URB1: variants seen among roughly 807,000 people sequenced by gnomAD.
URB1 encodes URB1 ribosome biogenesis factor.
In URB1, 197 loss-of-function variants were observed where a neutral mutation model predicts 242.3. The ratio of observed to expected loss-of-function variants is 0.81; its 90% CI spans 0.72 to 0.91. The LOEUF is 0.91. Among genes scored for constraint, URB1 ranks in the 40% least tolerant of loss-of-function variants. The pLI, the probability that URB1 is intolerant of heterozygous loss-of-function variation, is 0.00. For missense variants in URB1, 2,721 were observed against 2,860.5 expected (o/e 0.95, Z 1.11); for synonymous variants, 1,153 against 1,201.8 (o/e 0.96, Z 0.84).
chr21:32,324,464 C>T (rs1450463356), intron 32 of URB1, 27 bp downstream of exon 32: 5 of 1,526,872 alleles, frequency 3.3e-6, no homozygotes, highest in Non-Finnish European at 4.4e-6. Context: ...TTTCAATTTC[C>T]CCTCAACCTA....
In URB1 at chr21:32,378,480, T is replaced by G; in HGVS notation, c.629A>C (p.Asp210Ala). ...QFALSFLIAG[D>A]DSTIVQVLEV... is the part of the protein sequence containing the mutation. ...CAACACCTGCACTATAGTGCTGTCA[T>G]CACCCGCAATTAAAAAGGAGAGAGC... The change falls in exon 5 of 39, where the codon GAT becomes GCT. Residue 210 changes from aspartate (D) to alanine (A), a missense_variant. Transcript: ENST00000382751. The G allele has an allele frequency of 1.9e-6, 3 of 1,551,686 alleles. No individual in the cohort carries two copies. Among genetic ancestry groups the G allele is most frequent in the Non-Finnish European group, 2.6e-6 (3 of 1,146,986 alleles).
rs887951743 is a variant in URB1, at chr21:32,316,873, G to C, written c.6227C>G (p.Thr2076Ser). ...GCTGGCTGAGTCCACAGGCTCCTGA[G>C]TGGGGTCAGGACCAGGGATCACTGG... is the stretch of plus-strand genomic sequence containing the variant. ...WRPVIPGPDP[T>S]QEPVDSASPE... The change falls in exon 38 of 39, where the codon ACT (threonine) becomes AGT (serine). Residue 2076 changes from threonine (T) to serine (S), a missense_variant. Thr to Ser is a moderately conservative substitution (Grantham distance 58, BLOSUM62 1). Coordinates refer to ENST00000382751, the MANE Select transcript of URB1 (RefSeq NM_014825.3). The C allele has an allele frequency of 1.3e-6, 2 of 1,551,324 alleles. No individual in the cohort carries two copies. Among genetic ancestry groups the C allele is most frequent in the Admixed American group, 2.0e-5 (1 of 50,966 alleles).
intron 1 of URB1, among the ~76,000 whole-genome samples, chr21:32,390,712 AAAC>A (rs2033628473): frequency 6.6e-6 from 1 of 152,146 alleles, no homozygotes; most frequent in Admixed American, 6.5e-5. Flanking sequence ...AAAAGTCAGG[AAAC>A]AACAGGTGCT....
intron 38 of URB1, among the ~76,000 whole-genome samples, chr21:32,315,311 CT>C (rs1226543086): frequency 0.037 from 3,651 of 98,286 alleles, 76 homozygotes; most frequent in Non-Finnish European, 0.067. Context: ...AGTTTCTTTT[CT>C]TTAAAAAAAA....
chr21:32,385,519 A>G, intron 2 of URB1, 26 bp downstream of exon 2: 1 of 1,545,232 alleles, frequency 6.5e-7, no homozygotes, highest in East Asian at 2.4e-5. Context: ...TCTTCTCTTC[A>G]TCAAGCCATG....
intron 2 of URB1, among the ~76,000 whole-genome samples, chr21:32,385,118 G>A (rs1471647262): frequency 6.6e-6 from 1 of 152,214 alleles, no homozygotes; most frequent in Non-Finnish European, 1.5e-5. Flanking sequence ...GAGATATTCA[G>A]ATCTACATCC....
rs1031477164 is a variant in URB1, at chr21:32,359,975, T to C, written c.1757-67A>G. ...CGTGGGTGCCCAACAATTGCTGCCC[T>C]GGCCAGAAGGACAAGGAACTCACCA... On this transcript the variant is annotated intron_variant, in intron 13 of 38. Coordinates refer to ENST00000382751, the MANE Select transcript of URB1 (RefSeq NM_014825.3). 1.3e-4 allele frequency: 189 copies of C among 1,411,812 alleles called. No homozygotes were observed. In the Admixed American group the frequency reaches 4.0e-3, roughly 30 times the overall value. 87.5% of individuals were successfully genotyped at this position (1,411,812 alleles called of 1,614,324 possible). A position where few individuals can be genotyped will look rare whatever the true frequency, so the allele number is the denominator to read the frequency against.
At position 32,361,491 on chromosome 21, in the gene URB1, A is replaced by G. The variant is rs187050560; in HGVS notation, c.1640-368T>C. On this transcript the variant is annotated intron_variant, in intron 12 of 38. Coordinates refer to ENST00000382751, the MANE Select transcript of URB1 (RefSeq NM_014825.3). ...GACATACAGCAGGGCCTACCCTTGC[A>G]GGGCTGCCGAAAGGATGAAATACGA... Among the ~76,000 whole-genome samples, 25 of 152,250 alleles carry G rather than the reference A, an allele frequency of 1.6e-4. No homozygotes were observed. The East Asian group carries it at 4.6e-3, about 28-fold the overall frequency.
In URB1 at chr21:32,347,333, C is replaced by CT. The variant is rs1307255387; in HGVS notation, c.3490dup (p.Ser1164LysfsTer10). On this transcript the variant is annotated frameshift_variant, in exon 22 of 39. Transcript: ENST00000382751. LOFTEE classifies it high-confidence loss of function. ...ACCACTCTGCAGCTGATCCTGGGGG[C>CT]TGCAGGTCAGCAGCTGCACCAGGGT... The CT allele has an allele frequency of 1.3e-6, 2 of 1,551,196 alleles. No homozygotes were observed. Among genetic ancestry groups the CT allele is most frequent in the Non-Finnish European group, 1.7e-6 (2 of 1,147,006 alleles).
chr21:32,390,498 G>A (rs1417015426), intron 1 of URB1, among the ~76,000 whole-genome samples: 1 of 151,406 alleles, frequency 6.6e-6, no homozygotes, highest in Non-Finnish European at 1.5e-5. Context: ...ATTTGTTTGA[G>A]TTCATTGTAG....
At position 32,313,701 on chromosome 21, in the gene URB1, A is replaced by G. The variant is rs1483764630; in HGVS notation, c.*1217T>C. On this transcript the variant is annotated 3_prime_UTR_variant, in exon 39 of 39. Coordinates refer to ENST00000382751, the MANE Select transcript of URB1 (RefSeq NM_014825.3). ...CCAAGGCATTGTCAGCACGATGTAC[A>G]TTATACGGCAGATAAAACAGCCACA... 6.6e-6 allele frequency: 1 copy of G among 152,250 alleles called. No homozygotes were observed. Among genetic ancestry groups the G allele is most frequent in the East Asian group, 1.9e-4 (1 of 5,198 alleles). The allele number at this position is 152,250 out of a possible 1,614,324, so 9.4% of individuals were successfully genotyped here. A position where few individuals can be genotyped will look rare whatever the true frequency, so the allele number is the denominator to read the frequency against.
intron 1 of URB1, among the ~76,000 whole-genome samples, chr21:32,388,112 T>A (rs2033602231): frequency 6.6e-6 from 1 of 152,156 alleles, no homozygotes; most frequent in Non-Finnish European, 1.5e-5. Flanking sequence ...GAGCACGCCA[T>A]TACACCAAAA....
Position 32,355,481 on chromosome 21 carries a change from C to A in URB1, c.2074G>T (p.Asp692Tyr). ...LEHLENTMEEDKETVIQFLER... is the reference protein window; with the variant it reads ...LEHLENTMEEYKETVIQFLER... Reference sequence around the variant, plus strand: ...AGAAACTGAATCACAGTCTCTTTGTCCTCTTCCATGGTGTTCTCTAAATGC... The same window carrying A: ...AGAAACTGAATCACAGTCTCTTTGTACTCTTCCATGGTGTTCTCTAAATGC... The change falls in exon 16 of 39, where the codon GAC becomes TAC. Residue 692 changes from aspartate to tyrosine, a missense_variant. Asp to Tyr is a radical substitution (Grantham distance 160). Coordinates refer to ENST00000382751, the MANE Select transcript of URB1 (RefSeq NM_014825.3). 1 of 1,551,848 alleles carries A rather than the reference C, an allele frequency of 6.4e-7. No individual in the cohort carries two copies. Among genetic ancestry groups the A allele is most frequent in the Non-Finnish European group, 8.7e-7 (1 of 1,147,024 alleles).
intron 25 of URB1, 109 bp from the exon 26 acceptor site, chr21:32,339,009 G>T: frequency 8.5e-7 from 1 of 1,181,636 alleles, no homozygotes; most frequent in Non-Finnish European, 1.2e-6. Flanking sequence ...ATTTATTTTT[G>T]AGATGGAGTC....
In URB1 at chr21:32,311,166, A is replaced by G. The variant is rs1222284432; in HGVS notation, c.*3752T>C. ...TGTGCAGGGAAACTCCCCTTTATAA[A>G]ACCATCAGATCTCATGAGACTTACT... On this transcript the variant is annotated 3_prime_UTR_variant, in exon 39 of 39. Coordinates refer to ENST00000382751, the MANE Select transcript of URB1 (RefSeq NM_014825.3). 2.6e-5 allele frequency: 4 copies of G among 155,706 alleles called. No homozygotes were observed. The highest frequency in any genetic ancestry group is 9.7e-5 in the African/African-American group (4 of 41,444). 9.6% of individuals were successfully genotyped at this position (155,706 alleles called of 1,614,324 possible).
At position 32,345,541 on chromosome 21, in the gene URB1, G is replaced by A. The variant is rs1422291899; in HGVS notation, c.3903C>T (p.Thr1301=). The A allele has an allele frequency of 6.5e-7, 1 of 1,548,092 alleles. No individual in the cohort carries two copies. Among genetic ancestry groups the A allele is most frequent in the South Asian group, 1.2e-5 (1 of 83,994 alleles). Residue 1301 remains threonine (T), a synonymous_variant, in exon 23 of 39, where the codon ACC becomes ACT. Transcript: ENST00000382751. ...GCCTGCTCTGTAGCTGCCTCCACAGGGTCTTCCTCAAGACAGGAATGACAG... is the reference window on the plus strand; with the variant it reads ...GCCTGCTCTGTAGCTGCCTCCACAGAGTCTTCCTCAAGACAGGAATGACAG... The part of the protein sequence containing the change: ...SSAVIPVLRK[T]LWRQLQSRLL...
chr21:32,373,608 C>T (rs2033428408), intron 7 of URB1, 39 bp downstream of exon 7: 1 of 1,516,692 alleles, frequency 6.6e-7, no homozygotes, highest in Non-Finnish European at 8.8e-7. Context: ...GGATCAAATT[C>T]CAACAACGAG....
At chr21:32,317,349 G>A (rs1385918242) in intron 37 of URB1, among the ~76,000 whole-genome samples, 1 of 152,200 alleles carries the variant, frequency 6.6e-6, no homozygotes, top group Non-Finnish European at 1.5e-5. Context: ...AGTCCAGGAG[G>A]CCAGGTTCCA....
At chr21:32,349,618 G>T in intron 20 of URB1, 135 bp from the exon 21 acceptor site, 1 of 809,926 alleles carries the variant, frequency 1.2e-6, no homozygotes, top group Non-Finnish European at 1.9e-6. Flanking sequence ...CACAGAGTGT[G>T]TGAGACACCC....
Sources: allele counts gnomAD v4.1 joint callset (sites outside exome capture counted in the v4.1 genomes callset), GRCh38; gene constraint gnomAD v4.1.1; transcripts MANE v1.5; gene names NCBI Gene and HGNC (gene_info 2026-07-23, HGNC 2026-07-21).